The following ABL2 variants were observed in gnomAD, a reference collection of about 807,000 sequenced individuals.
The protein encoded by ABL2 is ABL proto-oncogene 2, non-receptor tyrosine kinase.
A neutral mutation model predicts 107.7 loss-of-function variants in ABL2; 49 were observed. The observed-to-expected ratio is 0.45, with a 90% CI of 0.36 to 0.58. The LOEUF is 0.58. Ranked by LOEUF, ABL2 falls within the 20% of genes least tolerant of loss-of-function variation. The pLI is 0.00. For synonymous variants in ABL2, 549 were observed against 548.6 expected (o/e 1.00, Z -0.01); for missense variants, 1,245 against 1,457.0 (o/e 0.85, Z 2.37).
At chr1:179,215,215 G>A (rs769355036) in intron 1 of ABL2, among the ~76,000 whole-genome samples, 22 of 151,478 alleles carry the variant, frequency 1.5e-4, no homozygotes, top group Non-Finnish European at 2.6e-4. Context: ...TTTATGAAAC[G>A]GCAAGAGAAG....
chr1:179,157,551 A>G (rs1022033027), intron 1 of ABL2, among the ~76,000 whole-genome samples: 19 of 152,076 alleles, frequency 1.2e-4, no homozygotes, highest in African/African-American at 4.6e-4. Context: ...AAAATCTGAA[A>G]AACATCCAAA....
intron 1 of ABL2, among the ~76,000 whole-genome samples, chr1:179,156,330 C>T (rs1658688269): frequency 6.6e-6 from 1 of 152,110 alleles, no homozygotes; most frequent in African/African-American, 2.4e-5. Context: ...CTACCCAAAG[C>T]AATAGAATTC....
chr1:179,161,697 C>A (rs891262082), intron 1 of ABL2, among the ~76,000 whole-genome samples: 2 of 152,140 alleles, frequency 1.3e-5, no homozygotes, highest in Non-Finnish European at 2.9e-5. Flanking sequence ...GATGACACAG[C>A]GAGACCCTCT....
At chr1:179,119,049 A>C (rs944449441) in intron 6 of ABL2, among the ~76,000 whole-genome samples, 2 of 151,784 alleles carry the variant, frequency 1.3e-5, no homozygotes, top group African/African-American at 2.4e-5. Context: ...GGGCCAAGAA[A>C]ACCAACATGT....
At chr1:179,200,012 T>A (rs889649734) in intron 1 of ABL2, among the ~76,000 whole-genome samples, 2 of 146,562 alleles carry the variant, frequency 1.4e-5, no homozygotes, top group African/African-American at 2.5e-5. Context: ...ATTACAAGCA[T>A]GAGCCACTGC....
At chr1:179,138,299 G>A (rs1027633197) in intron 1 of ABL2, among the ~76,000 whole-genome samples, 9 of 152,220 alleles carry the variant, frequency 5.9e-5, no homozygotes, top group East Asian at 5.8e-4. Context: ...AGGTCTTGCC[G>A]TGTTGTCCAG....
At chr1:179,156,284 G>A (rs150390234) in intron 1 of ABL2, among the ~76,000 whole-genome samples, 1 of 152,234 alleles carries the variant, frequency 6.6e-6, no homozygotes, top group Non-Finnish European at 1.5e-5. Flanking sequence ...GAGAAACAAA[G>A]CACCTATTCA....
At chr1:179,161,554 G>T (rs753120495) in intron 1 of ABL2, among the ~76,000 whole-genome samples, 1 of 151,914 alleles carries the variant, frequency 6.6e-6, no homozygotes, top group Non-Finnish European at 1.5e-5. Context: ...TACAAAAAAT[G>T]AATAAAATCA....
At chr1:179,170,841 C>T (rs536062193) in intron 1 of ABL2, among the ~76,000 whole-genome samples, 6 of 151,978 alleles carry the variant, frequency 3.9e-5, no homozygotes, top group South Asian at 2.1e-4. Flanking sequence ...GTGATCTGCC[C>T]GCCTCGGCCT....
At chr1:179,161,869 C>G (rs1659089585) in intron 1 of ABL2, among the ~76,000 whole-genome samples, 1 of 152,108 alleles carries the variant, frequency 6.6e-6, no homozygotes, top group Non-Finnish European at 1.5e-5. Context: ...CATGACGGCT[C>G]TACCCTCATA....
intron 1 of ABL2, among the ~76,000 whole-genome samples, chr1:179,166,394 TA>T (rs200116537): frequency 0.25 from 27,364 of 108,756 alleles, 3,433 homozygotes; most frequent in African/African-American, 0.43. Context: ...AACTCAATAC[TA>T]AAAAAAAAAA....
chr1:179,120,237 G>C lies in ABL2; in HGVS notation c.998C>G (p.Ala333Gly). ...ATGCTTGATTTCCTTCATTACTGCA[G>C]CTTCTTTCAGGAATTCTTCTACCTC... ...TMEVEEFLKEAAVMKEIKHPN... is the reference protein window; with the variant it reads ...TMEVEEFLKEGAVMKEIKHPN... The change falls in exon 6 of 12, where the codon GCT becomes GGT. Residue 333 changes from alanine to glycine, a missense_variant. This residue lies in a region of ABL2 where 320 missense variants were observed against 547.0 expected (regional missense o/e 0.59). Coordinates refer to ENST00000502732, the MANE Select transcript of ABL2 (RefSeq NM_007314.4). The C allele has an allele frequency of 6.2e-7, 1 of 1,607,246 alleles. No individual in the cohort carries two copies. Among genetic ancestry groups the C allele is most frequent in the Non-Finnish European group, 8.5e-7 (1 of 1,176,632 alleles).
At chr1:179,144,438 C>T (rs186349097) in intron 1 of ABL2, among the ~76,000 whole-genome samples, 4 of 152,026 alleles carry the variant, frequency 2.6e-5, no homozygotes, top group Non-Finnish European at 5.9e-5. Context: ...CCAGCCTGGG[C>T]GACAGAGCGA....
intron 1 of ABL2, chr1:179,201,998 G>A (rs1393920153): frequency 1.8e-5 from 16 of 893,990 alleles, no homozygotes; most frequent in Middle Eastern, 4.6e-4. Flanking sequence ...GAGAGGAGAG[G>A]GAAGGGAGCC....
At chr1:179,215,841 T>C (rs1272649326) in intron 1 of ABL2, among the ~76,000 whole-genome samples, 1 of 152,178 alleles carries the variant, frequency 6.6e-6, no homozygotes, top group Non-Finnish European at 1.5e-5. Context: ...CAGTTTTTTT[T>C]AATGTTTTCT....
chr1:179,105,338 G>A lies in ABL2; in HGVS notation c.*2380C>T, dbSNP rs1212569409. ...AAAAAACAAAAAACAAAAAAACCCT[G>A]AAAAACAATTACAATCCCTTAACTT... On this transcript the variant is annotated 3_prime_UTR_variant, in exon 12 of 12. Coordinates refer to ENST00000502732, the MANE Select transcript of ABL2 (RefSeq NM_007314.4). The A allele has an allele frequency of 4.3e-6, 1 of 231,384 alleles. No homozygotes were observed. The highest frequency in any genetic ancestry group is 8.6e-6 in the Non-Finnish European group (1 of 116,948). 14.3% of individuals were successfully genotyped at this position (231,384 alleles called of 1,614,324 possible).
intron 1 of ABL2, among the ~76,000 whole-genome samples, chr1:179,163,905 A>C (rs1571228575): frequency 6.6e-6 from 1 of 152,170 alleles, no homozygotes; most frequent in East Asian, 1.9e-4. Flanking sequence ...AAGTTGGATG[A>C]ATCTCAAAGG....
chr1:179,175,442 C>G (rs1457445010), intron 1 of ABL2, among the ~76,000 whole-genome samples: 1 of 152,190 alleles, frequency 6.6e-6, no homozygotes, highest in Non-Finnish European at 1.5e-5. Flanking sequence ...CCACCAGTCA[C>G]TTGGAACTGG....
At chr1:179,188,396 A>G (rs1275654645) in intron 1 of ABL2, among the ~76,000 whole-genome samples, 1 of 152,110 alleles carries the variant, frequency 6.6e-6, no homozygotes, top group Non-Finnish European at 1.5e-5. Flanking sequence ...ACAAAAAAAA[A>G]AATAGCGGGA....
Sources: gnomAD v4.1 joint callset for allele counts (sites outside exome capture counted in the v4.1 genomes callset) on GRCh38, gnomAD v4.1.1 for gene constraint, gnomAD v4.1.1 regional missense constraint, MANE v1.5 for transcripts, NCBI Gene and HGNC (gene_info 2026-07-23, HGNC 2026-07-21) for gene names.